LINGO1: variants seen among roughly 807,000 people sequenced by gnomAD.
LINGO1 encodes the protein leucine-rich repeat and immunoglobulin-like domain-containing nogo receptor-interacting protein 1.
A neutral mutation model predicts 37.3 loss-of-function variants in LINGO1; 11 were observed. That is an observed-to-expected ratio of 0.29 (90% CI 0.19 to 0.49). LINGO1 has a LOEUF of 0.49. LINGO1 is among the 20% of genes least tolerant of loss of function. The pLI, the probability that LINGO1 is intolerant of heterozygous loss-of-function variation, is 0.99. For synonymous variants in LINGO1, 387 were observed against 403.0 expected, an observed-to-expected ratio of 0.96 and a Z score of 0.48; for missense variants, 585 against 878.2, an observed-to-expected ratio of 0.67 and a Z score of 4.22.
At chr15:77,617,278 C>T (rs1243762783) in intron 1 of LINGO1, among the ~76,000 whole-genome samples, 1 of 152,096 alleles carries the variant, frequency 6.6e-6, no homozygotes. Context: ...CTTCCCTCTT[C>T]TCTCTCCATC....
upstream of LINGO1, among the ~76,000 whole-genome samples, chr15:77,634,539 CTCTGCCCATGG>C (rs552137474): frequency 2.0e-4 from 30 of 152,342 alleles, no homozygotes; most frequent in South Asian, 6.2e-3. Flanking sequence ...AGGTTCCAGG[CTCTGCCCATGG>C]TCACACAGCC....
chr15:77,786,258 G>C (rs2076769907), intron 1 of LINGO1, among the ~76,000 whole-genome samples: 1 of 152,080 alleles, frequency 6.6e-6, no homozygotes, highest in African/African-American at 2.4e-5. Context: ...TGCCACTTGG[G>C]AGGAAAAAGA....
Position 77,613,971 on chromosome 15 carries a change from GAGAGT to G in LINGO1, c.*68_*72del. ...GGTAGGGAGGAGGTGGGAAGGACTG[GAGAGT>G]GAGCAGGTGGCGGCCAGGCCCCTTC... On this transcript the variant is annotated 3_prime_UTR_variant, in exon 2 of 2. Coordinates refer to ENST00000355300, the MANE Select transcript of LINGO1 (RefSeq NM_032808.7). 8.2e-7 allele frequency: 1 copy of G among 1,224,024 alleles called. No individual in the cohort carries two copies. The highest frequency in any genetic ancestry group is 1.1e-6 in the Non-Finnish European group (1 of 878,902). The allele number at this position is 1,224,024 out of a possible 1,614,324, so 75.8% of individuals were successfully genotyped here.
At chr15:77,689,138 G>T (rs2075560583) in intron 2 of LINGO1, among the ~76,000 whole-genome samples, 1 of 152,194 alleles carries the variant, frequency 6.6e-6, no homozygotes, top group African/African-American at 2.4e-5. Flanking sequence ...CGCAGGTGAA[G>T]GTTGAGAGAA....
chr15:77,718,021 G>A lies in LINGO1; in HGVS notation c.-195+16971C>T, dbSNP rs764408917. 1.3e-5 allele frequency among the ~76,000 whole-genome samples: 2 copies of A among 150,936 alleles called. 1 individual carries two copies. Among genetic ancestry groups the A allele is most frequent in the East Asian group, 4.2e-4 (2 of 4,748 alleles). Reference sequence around the variant, plus strand: ...GGCCCAGGGAGCTGGGAGCAGGGCCGAGGCCTGCCCAGAAGCTGGTGCCCA... The same window carrying A: ...GGCCCAGGGAGCTGGGAGCAGGGCCAAGGCCTGCCCAGAAGCTGGTGCCCA... On this transcript the variant is annotated intron_variant, in intron 2 of 3. Coordinates refer to the LINGO1 transcript ENST00000561686.
chr15:77,816,818 G>C lies in LINGO1; in HGVS notation c.-458+3440C>G, dbSNP rs190366030. ...TGGGAGTGGAGGTACCAGAAGAACC[G>C]GGGCAGGGGTTCAAGCAGGCATGGA... On this transcript the variant is annotated intron_variant, in intron 1 of 5. Transcript: ENST00000562933. Among the ~76,000 whole-genome samples the C allele has an allele frequency of 2.1e-4, 32 of 152,262 alleles. 1 individual carries two copies. The South Asian group carries it at 4.1e-3, about 20-fold the overall frequency.
At chr15:77,653,158 T>C (rs1383525544) in intron 3 of LINGO1, among the ~76,000 whole-genome samples, 2 of 152,160 alleles carry the variant, frequency 1.3e-5, no homozygotes, top group African/African-American at 4.8e-5. Flanking sequence ...GCCTTGTGGT[T>C]TTGGACTCAA....
At position 77,720,317 on chromosome 15, in the gene LINGO1, C is replaced by T. The variant is rs193067314; in HGVS notation, c.-195+14675G>A. Reference sequence around the variant, plus strand: ...CAGCCGACTCTGCCAAGCAGTGCCCCGGCCTGTCCCGCCCCAATGGCCAGT... The same window carrying T: ...CAGCCGACTCTGCCAAGCAGTGCCCTGGCCTGTCCCGCCCCAATGGCCAGT... On this transcript the variant is annotated intron_variant, in intron 2 of 3. Transcript: ENST00000561686. 4.6e-5 allele frequency among the ~76,000 whole-genome samples: 7 copies of T among 152,350 alleles called. No individual in the cohort carries two copies. The East Asian group carries it at 5.8e-4, about 13-fold the overall frequency.
chr15:77,805,785 G>A (rs1322761844), intron 1 of LINGO1, among the ~76,000 whole-genome samples: 2 of 152,212 alleles, frequency 1.3e-5, no homozygotes. Context: ...CTTAAAAATG[G>A]GAACAAGTGT....
intron 2 of LINGO1, among the ~76,000 whole-genome samples, chr15:77,704,642 C>T (rs35746992): frequency 0.078 from 11,898 of 151,950 alleles, 506 homozygotes; most frequent in Middle Eastern, 0.13. Flanking sequence ...TGGCCACACA[C>T]TGGGCCCTGA....
chr15:77,613,889 C>G lies in LINGO1; in HGVS notation c.*155G>C, dbSNP rs11853396. On this transcript the variant is annotated 3_prime_UTR_variant, in exon 2 of 2. Coordinates refer to ENST00000355300, the MANE Select transcript of LINGO1 (RefSeq NM_032808.7). ...GTAGAAGGAGGGCAGGTGGTGAGGG[C>G]TGGCGGGGGGCAGCAGGGGACGGAG... The G allele has an allele frequency of 0.36, 248,046 of 680,042 alleles. 48,434 individuals carry two copies. The highest frequency in any genetic ancestry group is 0.53 in the South Asian group (27,381 of 51,594). The allele number at this position is 680,042 out of a possible 1,614,324, so 42.1% of individuals were successfully genotyped here. A position where few individuals can be genotyped will look rare whatever the true frequency, so the allele number is the denominator to read the frequency against.
chr15:77,764,089 C>T (rs1216795096), intron 1 of LINGO1, among the ~76,000 whole-genome samples: 13 of 152,220 alleles, frequency 8.5e-5, no homozygotes, highest in Non-Finnish European at 1.9e-4. Flanking sequence ...CATTTTCCCC[C>T]ACAGCACTTT....
chr15:77,773,031 C>G (rs886685926), intron 1 of LINGO1, among the ~76,000 whole-genome samples: 1 of 152,142 alleles, frequency 6.6e-6, no homozygotes, highest in Non-Finnish European at 1.5e-5. Context: ...GACACCTGGT[C>G]GAGAGCCAAG....
intron 2 of LINGO1, among the ~76,000 whole-genome samples, chr15:77,726,254 T>TGACC (rs1405027324): frequency 6.6e-6 from 1 of 152,206 alleles, no homozygotes; most frequent in Non-Finnish European, 1.5e-5. Context: ...ATGGAGTTCC[T>TGACC]GACCCTACCC....
At chr15:77,735,575 GA>G (rs2076196148) in intron 1 of LINGO1, among the ~76,000 whole-genome samples, 1 of 152,230 alleles carries the variant, frequency 6.6e-6, no homozygotes, top group Non-Finnish European at 1.5e-5. Context: ...CTCACCCTGG[GA>G]CCCTAACTGT....
At chr15:77,735,748 G>T (rs947426103) in intron 1 of LINGO1, among the ~76,000 whole-genome samples, 1 of 152,210 alleles carries the variant, frequency 6.6e-6, no homozygotes, top group African/African-American at 2.4e-5. Flanking sequence ...GATGCTGCTG[G>T]TTGGGGATCA....
Position 77,739,072 on chromosome 15 carries a change from T to C in LINGO1, c.-256-4019A>G, listed in dbSNP as rs943009430. On this transcript the variant is annotated intron_variant, in intron 1 of 3. Transcript: ENST00000561686. ...GCCCAGCAGCCCCCACCCCAGGGAG[T>C]CTGCGGCTCTCACACCTGCCAACCT... is the stretch of plus-strand genomic sequence containing the variant. Among the ~76,000 whole-genome samples the C allele has an allele frequency of 1.8e-4, 27 of 152,096 alleles. No individual in the cohort carries two copies. In the Middle Eastern group the frequency reaches 0.01, roughly 57 times the overall value.
At chr15:77,618,023 T>A (rs906636573) in intron 1 of LINGO1, among the ~76,000 whole-genome samples, 18 of 152,190 alleles carry the variant, frequency 1.2e-4, no homozygotes, top group African/African-American at 3.4e-4. Flanking sequence ...TCACACACGC[T>A]CCAGTGACCC....
chr15:77,730,456 C>T (rs2076143422), intron 2 of LINGO1, among the ~76,000 whole-genome samples: 1 of 152,218 alleles, frequency 6.6e-6, no homozygotes, highest in South Asian at 2.1e-4. Flanking sequence ...AGTAGCTACC[C>T]ATCTTGCCTC....
Sources: allele counts gnomAD v4.1 joint callset (sites outside exome capture counted in the v4.1 genomes callset), GRCh38; gene constraint gnomAD v4.1.1; transcripts MANE v1.5; gene names NCBI Gene and HGNC (gene_info 2026-07-23, HGNC 2026-07-21).